Variants in TSPAN9 observed in about 807,000 individuals in gnomAD.
TSPAN9 encodes tetraspanin-9.
In TSPAN9, 16 loss-of-function variants were observed where a neutral mutation model predicts 31.0. The observed-to-expected ratio is 0.52, with a 90% CI of 0.35 to 0.78. TSPAN9 has a LOEUF of 0.78. TSPAN9 is among the 30% of genes least tolerant of loss of function. The probability of loss-of-function intolerance (pLI) is 0.01; values close to 1 mark genes in which losing one functional copy is unlikely to be tolerated. For synonymous variants in TSPAN9, 145 were observed against 121.6 expected, an observed-to-expected ratio of 1.19 and a Z score of -1.27; for missense variants, 272 against 312.5, an observed-to-expected ratio of 0.87 and a Z score of 0.98.
intron 3 of TSPAN9, among the ~76,000 whole-genome samples, chr12:3,241,596 A>G (rs984987069): frequency 3.8e-4 from 58 of 152,252 alleles, no homozygotes; most frequent in African/African-American, 1.4e-3. Flanking sequence ...AACAGCCTGC[A>G]TAATTTTAAA....
At chr12:3,194,503 C>T (rs139922705) in intron 2 of TSPAN9, among the ~76,000 whole-genome samples, 3,198 of 152,314 alleles carry the variant, frequency 0.021, 57 homozygotes, top group South Asian at 0.029. Flanking sequence ...CCTCCCGCCT[C>T]AGCCTCCTGA....
At chr12:3,095,870 G>A (rs1052401614) in intron 2 of TSPAN9, among the ~76,000 whole-genome samples, 4 of 147,278 alleles carry the variant, frequency 2.7e-5, no homozygotes, top group South Asian at 2.2e-4. Flanking sequence ...CCAGGCAGAG[G>A]GGCTCCTCAC....
Position 3,168,582 on chromosome 12 carries a change from A to G in TSPAN9, c.-17-32595A>G, listed in dbSNP as rs1221610241. 3.3e-5 allele frequency among the ~76,000 whole-genome samples: 5 copies of G among 152,186 alleles called. No homozygotes were observed. Among genetic ancestry groups the G allele is most frequent in the African/African-American group, 4.8e-5 (2 of 41,526 alleles). ...ACTTACTTTCTCTTTGCCCCCCTCT[A>G]TTTCTATGTGTGAGTCATTGTCACT... On this transcript the variant is annotated intron_variant, in intron 2 of 8. Coordinates refer to ENST00000011898, the MANE Select transcript of TSPAN9 (RefSeq NM_006675.5). This position sits in a 1 kb window ranked among gnomAD's most constrained non-coding sequence, Gnocchi z 4.0.
chr12:3,164,259 A>G (rs902134782), intron 2 of TSPAN9, among the ~76,000 whole-genome samples: 19 of 152,208 alleles, frequency 1.2e-4, no homozygotes, highest in African/African-American at 4.3e-4. Flanking sequence ...GTTTTCAGAC[A>G]TAGGGTCTAC....
In TSPAN9 at chr12:3,283,304, C is replaced by T. The variant is rs1413345122; in HGVS notation, c.*188C>T. 2 of 598,024 alleles carry T rather than the reference C, an allele frequency of 3.3e-6. No homozygotes were observed. The highest frequency in any genetic ancestry group is 2.5e-5 in the South Asian group (1 of 39,838). The allele number at this position is 598,024 out of a possible 1,614,324, so 37.0% of individuals were successfully genotyped here. On this transcript the variant is annotated 3_prime_UTR_variant, in exon 9 of 9. Transcript: ENST00000011898. The stretch of plus-strand genomic sequence containing the variant: ...GTGGAGTGCCAGGGAGGAGGAGGCA[C>T]ACGGAGACCTGGGGCTCGGGGCCCC...
In TSPAN9 at chr12:3,221,986, C is replaced by G. The variant is rs2098384819; in HGVS notation, c.63+20730C>G. Among the ~76,000 whole-genome samples the G allele has an allele frequency of 2.0e-5, 3 of 152,324 alleles. No homozygotes were observed. In the South Asian group the frequency reaches 6.2e-4, roughly 32 times the overall value. ...TACCTGAGCACCTAATTACAGCTTT[C>G]CTTTCGATGTTGTAAACCATGTTGT... On this transcript the variant is annotated intron_variant, in intron 3 of 8. Coordinates refer to ENST00000011898, the MANE Select transcript of TSPAN9 (RefSeq NM_006675.5).
chr12:3,131,759 AT>A lies in TSPAN9; in HGVS notation c.-18+48048del, dbSNP rs144728828. 1.2e-4 allele frequency among the ~76,000 whole-genome samples: 17 copies of A among 139,538 alleles called. No homozygotes were observed. In the South Asian group the frequency reaches 2.5e-3, roughly 20 times the overall value. The allele number at this position is 139,538 out of a possible 152,430, so 91.5% of individuals were successfully genotyped here. A position where few individuals can be genotyped will look rare whatever the true frequency, so the allele number is the denominator to read the frequency against. ...AAAGTCCTCGCAATTTTTTAAAAAC[AT>A]TTTTTTTCTTGTGGTAAAATACATA... On this transcript the variant is annotated intron_variant, in intron 2 of 8. Coordinates refer to ENST00000011898, the MANE Select transcript of TSPAN9 (RefSeq NM_006675.5).
chr12:3,278,613 G>A lies in TSPAN9; in HGVS notation c.255+1G>A, dbSNP rs1266106759. ...GGAAAACAAGTGCCTCCTCCTCAGCGTAAGTTCTGTCCAAATCCCCAGCCC... is the reference window on the plus strand; with the variant it reads ...GGAAAACAAGTGCCTCCTCCTCAGCATAAGTTCTGTCCAAATCCCCAGCCC... On this transcript the variant is annotated splice_donor_variant, in intron 4 of 8. Transcript: ENST00000011898. LOFTEE classifies it high-confidence loss of function. 2 of 1,613,196 alleles carry A rather than the reference G, an allele frequency of 1.2e-6. No homozygotes were observed. The highest frequency in any genetic ancestry group is 1.7e-5 in the Admixed American group (1 of 59,974).
intron 2 of TSPAN9, among the ~76,000 whole-genome samples, chr12:3,120,996 A>G (rs574673): frequency 0.64 from 96,834 of 152,208 alleles, 31,023 homozygotes; most frequent in East Asian, 0.74. Flanking sequence ...CCAGCCTGCC[A>G]CTGGCCACTG....
intron 3 of TSPAN9, among the ~76,000 whole-genome samples, chr12:3,230,615 G>T (rs770838644): frequency 6.6e-6 from 1 of 152,138 alleles, no homozygotes; most frequent in African/African-American, 2.4e-5. Context: ...TAAAGTGGGG[G>T]TGGCAAGGTT....
At chr12:3,249,007 C>T (rs1369322165) in intron 3 of TSPAN9, among the ~76,000 whole-genome samples, 2 of 152,226 alleles carry the variant, frequency 1.3e-5, no homozygotes, top group African/African-American at 4.8e-5. Flanking sequence ...TACTGCCATG[C>T]CCCTAGGCCA....
intron 2 of TSPAN9, among the ~76,000 whole-genome samples, chr12:3,167,982 T>C (rs2098349473): frequency 6.6e-6 from 1 of 152,196 alleles, no homozygotes; most frequent in Non-Finnish European, 1.5e-5. Context: ...CATGGGCCTG[T>C]CCTCCTGGGA....
At position 3,109,951 on chromosome 12, in the gene TSPAN9, C is replaced by T. The variant is rs542862897; in HGVS notation, c.-18+26232C>T. ...GCTGAATCCTAAAGCATCAGCAACCCTATGAGCACCCCAGAACCCCCAAAA... is the reference window on the plus strand; with the variant it reads ...GCTGAATCCTAAAGCATCAGCAACCTTATGAGCACCCCAGAACCCCCAAAA... On this transcript the variant is annotated intron_variant, in intron 2 of 8. Coordinates refer to ENST00000011898, the MANE Select transcript of TSPAN9 (RefSeq NM_006675.5). Among the ~76,000 whole-genome samples the T allele has an allele frequency of 7.2e-5, 11 of 152,178 alleles. No individual in the cohort carries two copies. In the South Asian group the frequency reaches 2.1e-3, roughly 29 times the overall value.
chr12:3,242,659 G>T (rs1256937772), intron 3 of TSPAN9, among the ~76,000 whole-genome samples: 1 of 152,236 alleles, frequency 6.6e-6, no homozygotes, highest in Admixed American at 6.5e-5. Flanking sequence ...CAAGCAAGGG[G>T]CTCCAGCGGT....
At chr12:3,228,187 A>G (rs1381140563) in intron 3 of TSPAN9, among the ~76,000 whole-genome samples, 1 of 152,076 alleles carries the variant, frequency 6.6e-6, no homozygotes, top group Admixed American at 6.5e-5. Flanking sequence ...CAACTCTACA[A>G]AAAAATATAG....
chr12:3,219,822 C>T (rs1328479699), intron 3 of TSPAN9, among the ~76,000 whole-genome samples: 1 of 142,814 alleles, frequency 7.0e-6, no homozygotes, highest in Admixed American at 7.4e-5. Flanking sequence ...GCACATTCTG[C>T]ACATGTGTCC....
chr12:3,163,953 T>C (rs2098346903), intron 2 of TSPAN9, among the ~76,000 whole-genome samples: 1 of 152,160 alleles, frequency 6.6e-6, no homozygotes. Context: ...CTCTGTTCTC[T>C]CCTCTTTGCA....
chr12:3,132,290 A>G (rs997645), intron 2 of TSPAN9, among the ~76,000 whole-genome samples: 2 of 151,812 alleles, frequency 1.3e-5, no homozygotes, highest in African/African-American at 2.4e-5. Context: ...TACCTAGGAG[A>G]AGAATTGCTG....
At chr12:3,241,999 ATTC>A (rs2098396822) in intron 3 of TSPAN9, among the ~76,000 whole-genome samples, 1 of 152,228 alleles carries the variant, frequency 6.6e-6, no homozygotes. Flanking sequence ...AAGACCGAGA[ATTC>A]TTCCTTTTCC....
Sources: allele counts gnomAD v4.1 joint callset (sites outside exome capture counted in the v4.1 genomes callset), GRCh38; gene constraint gnomAD v4.1.1; non-coding constraint Gnocchi (gnomAD v3.1); transcripts MANE v1.5; gene names NCBI Gene and HGNC (gene_info 2026-07-23, HGNC 2026-07-21).